Variants in SPAG9 observed in about 807,000 individuals in gnomAD.
The protein encoded by SPAG9 is sperm associated antigen 9.
SPAG9 carries 35 observed loss-of-function variants against 166.5 expected under a neutral mutation model. The ratio of observed to expected loss-of-function variants is 0.21; its 90% CI spans 0.16 to 0.28. The LOEUF is 0.28. SPAG9 is among the 10% of genes least tolerant of loss of function. SPAG9 has a pLI of 1.00. For missense variants in SPAG9, 1,235 were observed against 1,603.3 expected, an observed-to-expected ratio of 0.77 and a Z score of 3.92; for synonymous variants, 534 against 565.5, an observed-to-expected ratio of 0.94 and a Z score of 0.79.
chr17:51,086,447 C>T (rs1452750344), intron 1 of SPAG9, among the ~76,000 whole-genome samples: 3 of 150,092 alleles, frequency 2.0e-5, no homozygotes, highest in African/African-American at 7.4e-5. Flanking sequence ...CTGAGACCAG[C>T]CTGAGCAACA....
intron 2 of SPAG9, among the ~76,000 whole-genome samples, chr17:51,073,291 G>A (rs2047876044): frequency 6.6e-6 from 1 of 151,958 alleles, no homozygotes; most frequent in African/African-American, 2.4e-5. Flanking sequence ...TCACGCCACT[G>A]CACTCCAGCC....
chr17:51,017,255 C>A (rs1372037992), intron 8 of SPAG9, among the ~76,000 whole-genome samples: 1 of 152,152 alleles, frequency 6.6e-6, no homozygotes, highest in African/African-American at 2.4e-5. Context: ...TCATTATATA[C>A]AAGAGATGCC....
At chr17:51,037,665 T>TATATATATATATATATA (rs2046646737) in intron 5 of SPAG9, among the ~76,000 whole-genome samples, 34 of 92,912 alleles carry the variant, frequency 3.7e-4, no homozygotes, top group Middle Eastern at 5.3e-3. Flanking sequence ...TATATGTGTT[T>TATATATATATATATATA]TATATATATA....
At chr17:51,013,012 T>A (rs947464919) in intron 9 of SPAG9, among the ~76,000 whole-genome samples, 10 of 152,102 alleles carry the variant, frequency 6.6e-5, no homozygotes, top group African/African-American at 2.4e-4. Context: ...ATTACAGGCG[T>A]GAGCCACTGC....
intron 2 of SPAG9, among the ~76,000 whole-genome samples, chr17:51,070,488 G>T (rs2047793649): frequency 6.6e-6 from 1 of 152,028 alleles, no homozygotes; most frequent in Admixed American, 6.6e-5. Context: ...CCAATAGAAG[G>T]GAAAACTTGT....
At chr17:51,005,133 C>G in intron 12 of SPAG9, 79 bp downstream of exon 12, 1 of 1,219,054 alleles carries the variant, frequency 8.2e-7, no homozygotes, top group Non-Finnish European at 1.2e-6. Context: ...GTATTATATC[C>G]AAAGCTTACG....
rs371155482 is a variant in SPAG9, at chr17:51,052,802, TA to T, written c.495+3609del. Among the ~76,000 whole-genome samples, 530 of 152,252 alleles carry T rather than the reference TA, an allele frequency of 3.5e-3. 2 individuals carry two copies. The highest frequency in any genetic ancestry group is 0.012 in the African/African-American group (510 of 41,538). On this transcript the variant is annotated intron_variant, in intron 3 of 29. Transcript: ENST00000262013. Reference sequence around the variant, plus strand: ...GGCCAGGCATGGTAGCTCACGCCTGTAATCCCAGCTCTTTGGGAGGCCAAGG... The same window carrying T: ...GGCCAGGCATGGTAGCTCACGCCTGTATCCCAGCTCTTTGGGAGGCCAAGG...
intron 3 of SPAG9, among the ~76,000 whole-genome samples, chr17:51,054,019 C>T (rs1356457539): frequency 2.0e-5 from 3 of 147,768 alleles, no homozygotes; most frequent in Non-Finnish European, 4.5e-5. Flanking sequence ...GGCCTTTTAG[C>T]AACCTTAATA....
chr17:51,025,809 T>C (rs2046144310), intron 6 of SPAG9, among the ~76,000 whole-genome samples: 1 of 152,154 alleles, frequency 6.6e-6, no homozygotes, highest in Admixed American at 6.5e-5. Context: ...TGAGAATCGC[T>C]TGAACCCAGG....
At chr17:50,992,268 C>T (rs1228075271) in intron 19 of SPAG9, among the ~76,000 whole-genome samples, 3 of 152,054 alleles carry the variant, frequency 2.0e-5, no homozygotes, top group Non-Finnish European at 2.9e-5. Context: ...CTCATATAAG[C>T]GGAATCATAT....
intron 11 of SPAG9, 129 bp from the exon 12 acceptor site, chr17:51,005,392 G>A (rs894970588): frequency 1.3e-6 from 1 of 778,784 alleles, no homozygotes; most frequent in African/African-American, 1.7e-5. Flanking sequence ...AGGGTATTTA[G>A]CCACCCTCAT....
Position 50,964,613 on chromosome 17 carries a change from A to G in SPAG9, c.*1659T>C. The G allele has an allele frequency of 4.0e-6, 1 of 247,950 alleles. No individual in the cohort carries two copies. The highest frequency in any genetic ancestry group is 8.3e-6 in the Non-Finnish European group (1 of 120,370). 15.4% of individuals were successfully genotyped at this position (247,950 alleles called of 1,614,324 possible). On this transcript the variant is annotated 3_prime_UTR_variant, in exon 30 of 30. Coordinates refer to ENST00000262013, the MANE Select transcript of SPAG9 (RefSeq NM_001130528.3). ...AAAAAAAAAAAAAAAAATCATATTT[A>G]GCTTTGCCTAGAGTAATAGATAAAA...
In SPAG9 at chr17:51,120,704, G is replaced by C. The variant is rs936436807; in HGVS notation, c.-48C>G. ...GGCCCGGGGCGTCGCCGGCAGAGGGGCGGCACCTGCCCGCACGGGACGGAC... is the reference window on the plus strand; with the variant it reads ...GGCCCGGGGCGTCGCCGGCAGAGGGCCGGCACCTGCCCGCACGGGACGGAC... On this transcript the variant is annotated 5_prime_UTR_variant, in exon 1 of 30. Transcript: ENST00000262013. The surrounding 1 kb of genome is among the most constrained non-coding windows in gnomAD (Gnocchi z 4.7). 6.7e-7 allele frequency: 1 copy of C among 1,490,106 alleles called. No homozygotes were observed. The highest frequency in any genetic ancestry group is 9.0e-7 in the Non-Finnish European group (1 of 1,110,062). The allele number at this position is 1,490,106 out of a possible 1,614,324, so 92.3% of individuals were successfully genotyped here.
intron 2 of SPAG9, among the ~76,000 whole-genome samples, chr17:51,058,550 T>C (rs1316047620): frequency 6.6e-6 from 1 of 152,212 alleles, no homozygotes. Flanking sequence ...ATCTGTTTTG[T>C]ATATTGGAGT....
chr17:51,082,081 A>G (rs1424431958), intron 1 of SPAG9, among the ~76,000 whole-genome samples: 3 of 152,152 alleles, frequency 2.0e-5, no homozygotes, highest in Non-Finnish European at 4.4e-5. Context: ...AACCTATTTA[A>G]AACTGTGATA....
chr17:51,042,418 T>C (rs1479782221), intron 4 of SPAG9: 2 of 152,178 alleles, frequency 1.3e-5, no homozygotes, highest in African/African-American at 2.4e-5. Flanking sequence ...GCACACAAGA[T>C]TCCAAATCGA....
Position 51,120,334 on chromosome 17 carries a change from C to T in SPAG9, c.303+20G>A. ...CCCCGGAGACGGATCCCGCGGCCCC[C>T]GCCCTGCCGCCGGCCTCACCTCCTC... On this transcript the variant is annotated intron_variant, in intron 1 of 29. Coordinates refer to ENST00000262013, the MANE Select transcript of SPAG9 (RefSeq NM_001130528.3). The surrounding 1 kb of genome is among the most constrained non-coding windows in gnomAD (Gnocchi z 4.7). The T allele has an allele frequency of 6.5e-7, 1 of 1,535,980 alleles. No individual in the cohort carries two copies. Among genetic ancestry groups the T allele is most frequent in the Non-Finnish European group, 8.7e-7 (1 of 1,143,260 alleles).
At position 51,020,228 on chromosome 17, in the gene SPAG9, A is replaced by C; in HGVS notation, c.1022T>G (p.Val341Gly). ...GSAENEEKSE[V>G]QAIIESTPEL... ...AGGAGTAGATTCGATGATTGCTTGA[A>C]CTTCTGACTTTTCTTCATTTTCAGC... Residue 341 changes from valine (V) to glycine (G), a missense_variant, in exon 8 of 30, where the codon GTT becomes GGT. Around this residue, in one of 6 missense-constraint regions of SPAG9, gnomAD observed 288 missense variants for 323.7 expected, o/e 0.89. Transcript: ENST00000262013. 1 of 1,613,572 alleles carries C rather than the reference A, an allele frequency of 6.2e-7. No homozygotes were observed. Among genetic ancestry groups the C allele is most frequent in the Non-Finnish European group, 8.5e-7 (1 of 1,179,564 alleles).
intron 11 of SPAG9, among the ~76,000 whole-genome samples, chr17:51,005,550 TA>T (rs2045175805): frequency 6.6e-6 from 1 of 152,214 alleles, no homozygotes; most frequent in South Asian, 2.1e-4. Flanking sequence ...ATTATAGACA[TA>T]AAAAATAACA....
Sources: gnomAD v4.1 joint callset for allele counts (sites outside exome capture counted in the v4.1 genomes callset) on GRCh38, gnomAD v4.1.1 for gene constraint, gnomAD v4.1.1 regional missense constraint, Gnocchi (gnomAD v3.1) non-coding constraint, MANE v1.5 for transcripts, NCBI Gene and HGNC (gene_info 2026-07-23, HGNC 2026-07-21) for gene names.